Variants in KMT2C observed in about 807,000 individuals in gnomAD.
The protein encoded by KMT2C is lysine methyltransferase 2C, also known as histone-lysine N-methyltransferase 2C.
In KMT2C, 88 loss-of-function variants were observed where a neutral mutation model predicts 507.9. The observed-to-expected ratio is 0.17, with a 90% confidence interval of 0.15 to 0.21. The LOEUF (loss-of-function observed/expected upper bound fraction) is 0.21, where lower values mean the gene tolerates loss of function less well. Ranked by LOEUF, KMT2C falls within the 10% of genes least tolerant of loss-of-function variation. KMT2C has a pLI of 1.00. For synonymous variants in KMT2C, 2,049 were observed against 2,080.8 expected (o/e 0.98, Z 0.42); for missense variants, 4,954 against 5,957.8 (o/e 0.83, Z 5.55).
intron 2 of KMT2C, among the ~76,000 whole-genome samples, chr7:152,343,555 T>C (rs1589316439): frequency 6.9e-6 from 1 of 144,366 alleles, no homozygotes; most frequent in East Asian, 2.0e-4. Flanking sequence ...GAAGAAGAAA[T>C]ATTCCTCAAA....
intron 2 of KMT2C, among the ~76,000 whole-genome samples, chr7:152,339,105 A>G (rs2096966122): frequency 6.6e-6 from 1 of 152,230 alleles, no homozygotes; most frequent in Admixed American, 6.5e-5. Context: ...AGGCTATGTC[A>G]AAAATATTTT....
At chr7:152,297,854 T>C (rs1334140531) in intron 6 of KMT2C, among the ~76,000 whole-genome samples, 2 of 152,164 alleles carry the variant, frequency 1.3e-5, no homozygotes, top group Non-Finnish European at 1.5e-5. Context: ...CAATCAAAAC[T>C]GACCCAGAAC....
At chr7:152,152,603 T>C in intron 49 of KMT2C, 102 bp downstream of exon 49, 2 of 1,387,940 alleles carry the variant, frequency 1.4e-6, no homozygotes, top group Non-Finnish European at 2.0e-6. Context: ...TACGCCAGCA[T>C]GTTACCTGTC....
rs1269259973 is a variant in KMT2C, at chr7:152,385,529, G to A, written c.162-26854C>T. On this transcript the variant is annotated intron_variant, in intron 1 of 58. Transcript: ENST00000262189. ...TGGGAGGCTGAGGCAGGAGAATGGC[G>A]TGAACCCGGGAGGCGGAGCTTGCAG... 5.0e-5 allele frequency among the ~76,000 whole-genome samples: 6 copies of A among 121,206 alleles called. 1 individual carries two copies. The highest frequency in any genetic ancestry group is 1.8e-4 in the African/African-American group (4 of 22,338). 79.5% of individuals were successfully genotyped at this position (121,206 alleles called of 152,430 possible).
intron 9 of KMT2C, among the ~76,000 whole-genome samples, chr7:152,262,008 C>T (rs2095789239): frequency 6.6e-6 from 1 of 152,036 alleles, no homozygotes; most frequent in African/African-American, 2.4e-5. Context: ...TCAACCCCCA[C>T]CACTCAGGCA....
chr7:152,370,438 T>C (rs1469260143), intron 1 of KMT2C, among the ~76,000 whole-genome samples: 1 of 152,160 alleles, frequency 6.6e-6, no homozygotes, highest in African/African-American at 2.4e-5. Flanking sequence ...ACCAACACTT[T>C]AAGATGATGT....
At chr7:152,206,260 G>A (rs1351982349) in intron 24 of KMT2C, among the ~76,000 whole-genome samples, 1 of 151,954 alleles carries the variant, frequency 6.6e-6, no homozygotes, top group Non-Finnish European at 1.5e-5. Flanking sequence ...CTCAATTAGA[G>A]GGTTGACTTC....
chr7:152,334,162 C>G (rs967543033), intron 2 of KMT2C, among the ~76,000 whole-genome samples: 1 of 152,156 alleles, frequency 6.6e-6, no homozygotes, highest in Middle Eastern at 3.4e-3. Flanking sequence ...ACCTGTAGAA[C>G]GTAGACAAAG....
rs752599272 is a variant in KMT2C at position 152,176,236 on chromosome 7, G to C, written c.9217C>G (p.Gln3073Glu). The C allele has an allele frequency of 6.2e-7, 1 of 1,612,944 alleles. No homozygotes were observed. The highest frequency in any genetic ancestry group is 8.5e-7 in the Non-Finnish European group (1 of 1,179,410). ...TCTGATCGCTGACGAATCATGGCTT[G>C]CATCTGTCTTTGCTGCTGCTGTTCT... is the stretch of plus-strand genomic sequence containing the variant. Reference protein sequence around the residue: ...RQEQQQQRQMQAMIRQRSEPF... With the variant: ...RQEQQQQRQMEAMIRQRSEPF... Residue 3073 changes from glutamine to glutamate, a missense_variant, in exon 38 of 59, where the codon CAA (glutamine) becomes GAA (glutamate). Transcript: ENST00000262189.
intron 7 of KMT2C, among the ~76,000 whole-genome samples, chr7:152,270,810 C>T (rs2095951045): frequency 6.6e-6 from 1 of 152,164 alleles, no homozygotes; most frequent in Non-Finnish European, 1.5e-5. Context: ...AATGACCAGC[C>T]ATTTACCTAT....
chr7:152,229,515 T>C (rs566211963), intron 18 of KMT2C, among the ~76,000 whole-genome samples: 1 of 152,260 alleles, frequency 6.6e-6, no homozygotes, highest in East Asian at 1.9e-4. Context: ...AAGGAGAAAA[T>C]GTCATTTTGT....
intron 9 of KMT2C, among the ~76,000 whole-genome samples, chr7:152,259,919 C>G (rs2095739627): frequency 6.6e-6 from 1 of 152,174 alleles, no homozygotes; most frequent in African/African-American, 2.4e-5. Context: ...AATTTAACAG[C>G]AGAGAAAGAT....
chr7:152,325,588 G>A (rs1589202091), intron 3 of KMT2C, among the ~76,000 whole-genome samples: 1 of 151,414 alleles, frequency 6.6e-6, no homozygotes, highest in Admixed American at 6.6e-5. Context: ...AGCCTCCTGA[G>A]TAGCACCACC....
At chr7:152,214,699 A>G (rs1182233953) in intron 23 of KMT2C, among the ~76,000 whole-genome samples, 8 of 152,160 alleles carry the variant, frequency 5.3e-5, no homozygotes, top group African/African-American at 1.9e-4. Context: ...TAAGCCAGAC[A>G]CAGAAAAATA....
chr7:152,184,456 T>C (rs1422559710), intron 34 of KMT2C, among the ~76,000 whole-genome samples: 4 of 152,228 alleles, frequency 2.6e-5, no homozygotes, highest in East Asian at 1.9e-4. Flanking sequence ...ATTTACCATA[T>C]GAACTGCGAA....
At chr7:152,252,830 A>T in intron 9 of KMT2C, 115 bp from the exon 10 acceptor site, 2 of 719,652 alleles carry the variant, frequency 2.8e-6, no homozygotes, top group South Asian at 2.2e-5. Context: ...TTAAGCTTTT[A>T]TTTTCATGAC....
intron 12 of KMT2C, 70 bp downstream of exon 12, chr7:152,250,783 C>A: frequency 1.2e-6 from 1 of 833,848 alleles, no homozygotes; most frequent in Non-Finnish European, 2.0e-6. Flanking sequence ...AAGTTTTAGT[C>A]AATATTCACA....
intron 6 of KMT2C, among the ~76,000 whole-genome samples, chr7:152,281,876 G>A (rs879745220): frequency 5.3e-5 from 8 of 152,256 alleles, no homozygotes; most frequent in Non-Finnish European, 8.8e-5. Context: ...GGAAATGAAA[G>A]GAACTGAACT....
rs2097913212 is a variant in KMT2C at position 152,435,935 on chromosome 7, A to C, written c.-149T>G. ...CGCAGCCCCGGGAGCAGCAGCAGGTACCGGGAGAGGCGGCAACATGGAGCG... is the reference window on the plus strand; with the variant it reads ...CGCAGCCCCGGGAGCAGCAGCAGGTCCCGGGAGAGGCGGCAACATGGAGCG... On this transcript the variant is annotated 5_prime_UTR_variant, in exon 1 of 59. Transcript: ENST00000262189. 2.6e-6 allele frequency: 2 copies of C among 778,766 alleles called. No individual in the cohort carries two copies. Among genetic ancestry groups the C allele is most frequent in the Non-Finnish European group, 3.7e-6 (2 of 536,104 alleles). The allele number at this position is 778,766 out of a possible 1,614,324, so 48.2% of individuals were successfully genotyped here.
Sources: allele counts gnomAD v4.1 joint callset (sites outside exome capture counted in the v4.1 genomes callset), GRCh38; gene constraint gnomAD v4.1.1; transcripts MANE v1.5; gene names NCBI Gene and HGNC (gene_info 2026-07-23, HGNC 2026-07-21).